The following TXNDC16 variants were observed in gnomAD, a reference collection of about 807,000 sequenced individuals.
TXNDC16 encodes thioredoxin domain containing 16.
A neutral mutation model predicts 85.6 loss-of-function variants in TXNDC16; 74 were observed. The observed-to-expected ratio is 0.86, with a 90% CI of 0.72 to 1.05. The LOEUF is 1.05. TXNDC16 is among the 50% of genes least tolerant of loss of function. TXNDC16 has a pLI of 0.00. For synonymous variants in TXNDC16, 335 were observed against 326.5 expected (o/e 1.03, Z -0.28); for missense variants, 959 against 947.0 (o/e 1.01, Z -0.17).
chr14:52,469,857 G>GA (rs2035862134), intron 16 of TXNDC16, among the ~76,000 whole-genome samples, 180 bp downstream of exon 16: 1 of 152,086 alleles, frequency 6.6e-6, no homozygotes, highest in Non-Finnish European at 1.5e-5. Context: ...AAAAAAGATG[G>GA]AAGAAATTAC....
At chr14:52,494,828 T>C (rs980760127) in intron 9 of TXNDC16, among the ~76,000 whole-genome samples, 15 of 152,236 alleles carry the variant, frequency 9.9e-5, no homozygotes, top group Non-Finnish European at 1.9e-4. Context: ...GAATTAAGCA[T>C]GTTTTCCCAG....
chr14:52,433,120 T>C (rs1326344396), intron 20 of TXNDC16, among the ~76,000 whole-genome samples: 1 of 152,112 alleles, frequency 6.6e-6, no homozygotes. Flanking sequence ...TAACATCTTT[T>C]CCACACACTT....
At chr14:52,478,234 CACAA>C (rs2036062674) in intron 14 of TXNDC16, among the ~76,000 whole-genome samples, 1 of 152,008 alleles carries the variant, frequency 6.6e-6, no homozygotes, top group African/African-American at 2.4e-5. Flanking sequence ...TCTGAAAGAG[CACAA>C]ACAGACAATC....
intron 6 of TXNDC16, among the ~76,000 whole-genome samples, chr14:52,521,492 T>C (rs2037210927): frequency 1.3e-5 from 2 of 152,298 alleles, no homozygotes; most frequent in East Asian, 1.9e-4. Flanking sequence ...TTTCTGCTCC[T>C]GTATCTAATC....
In TXNDC16 at chr14:52,506,527, CTTTT is replaced by C. The variant is rs765293725; in HGVS notation, c.756+4709_756+4712del. Among the ~76,000 whole-genome samples, 195 of 97,542 alleles carry C rather than the reference CTTTT, an allele frequency of 2.0e-3. 3 individuals carry two copies. The highest frequency in any genetic ancestry group is 7.6e-3 in the African/African-American group (173 of 22,816). The allele number at this position is 97,542 out of a possible 152,430, so 64.0% of individuals were successfully genotyped here. A position where few individuals can be genotyped will look rare whatever the true frequency, so the allele number is the denominator to read the frequency against. ...AGGCCTTTGACAAATTTCAACAACC[CTTTT>C]TTTTTTTTTTTTTTTTTTTTCTTTT... On this transcript the variant is annotated intron_variant, in intron 9 of 20. Transcript: ENST00000281741.
At chr14:52,529,668 T>C (rs2037437585) in intron 6 of TXNDC16, among the ~76,000 whole-genome samples, 1 of 107,646 alleles carries the variant, frequency 9.3e-6, no homozygotes, top group South Asian at 2.6e-4. Context: ...TAATGCCTAT[T>C]ATATATAATA....
chr14:52,502,775 G>A (rs537327728), intron 9 of TXNDC16, among the ~76,000 whole-genome samples: 59 of 152,286 alleles, frequency 3.9e-4, no homozygotes, highest in African/African-American at 1.3e-3. Context: ...GCAGGGTGAC[G>A]CATCGCATCA....
At chr14:52,500,111 GGGT>G (rs2036622244) in intron 9 of TXNDC16, among the ~76,000 whole-genome samples, 1 of 152,012 alleles carries the variant, frequency 6.6e-6, no homozygotes, top group Non-Finnish European at 1.5e-5. Flanking sequence ...TCCCACTTCT[GGGT>G]ATATTTTCAA....
At position 52,488,384 on chromosome 14, in the gene TXNDC16, C is replaced by T. The variant is rs2036318277; in HGVS notation, c.1087G>A (p.Asp363Asn). The T allele has an allele frequency of 6.2e-7, 1 of 1,613,668 alleles. No homozygotes were observed. The highest frequency in any genetic ancestry group is 1.3e-5 in the African/African-American group (1 of 75,020). The change falls in exon 12 of 21, where the codon GAC becomes AAC. Residue 363 changes from aspartate (D) to asparagine (N), a missense_variant. By Grantham distance (23) the Asp-to-Asn change is conservative. Coordinates refer to ENST00000281741, the MANE Select transcript of TXNDC16 (RefSeq NM_020784.3). ...IEEIQEDEDN[D>N]MEGPDIDVQD... ...TTACCTATATCTGGACCTTCCATGT[C>T]ATTGTCTTCATCTTCTTGTATTTCC...
chr14:52,476,640 GA>G (rs1220235963), intron 14 of TXNDC16, among the ~76,000 whole-genome samples: 2 of 151,898 alleles, frequency 1.3e-5, no homozygotes, highest in Non-Finnish European at 2.9e-5. Flanking sequence ...CAAAGACAAA[GA>G]AAAAAATAAG....
At chr14:52,448,392 T>TA (rs1232204924) in intron 18 of TXNDC16, among the ~76,000 whole-genome samples, 1 of 148,096 alleles carries the variant, frequency 6.8e-6, no homozygotes, top group African/African-American at 2.5e-5. Context: ...TTTAAAGTGC[T>TA]AAATTAAAAA....
At chr14:52,528,932 G>A (rs1204351533) in intron 6 of TXNDC16, among the ~76,000 whole-genome samples, 8 of 143,906 alleles carry the variant, frequency 5.6e-5, no homozygotes, top group African/African-American at 1.5e-4. Context: ...ATTATATATT[G>A]TCTATAATAC....
intron 14 of TXNDC16, among the ~76,000 whole-genome samples, chr14:52,478,192 A>C (rs746988157): frequency 7.0e-4 from 106 of 152,268 alleles, no homozygotes; most frequent in Non-Finnish European, 1.4e-3. Context: ...TGCTAAGAGG[A>C]AAGTTCATAG....
At chr14:52,483,544 C>T (rs917787559) in intron 12 of TXNDC16, among the ~76,000 whole-genome samples, 9 of 152,092 alleles carry the variant, frequency 5.9e-5, no homozygotes, top group African/African-American at 2.2e-4. Context: ...TGAGCACATA[C>T]AAGGCTGAGG....
chr14:52,504,630 A>C (rs978670233), intron 9 of TXNDC16, among the ~76,000 whole-genome samples: 20 of 152,258 alleles, frequency 1.3e-4, no homozygotes, highest in African/African-American at 4.6e-4. Context: ...CAAATTGTAA[A>C]GACCATCAAT....
chr14:52,466,567 T>A (rs1329382033), intron 16 of TXNDC16, among the ~76,000 whole-genome samples: 1 of 151,528 alleles, frequency 6.6e-6, no homozygotes, highest in Non-Finnish European at 1.5e-5. Flanking sequence ...CACCATATTT[T>A]AAAAAATAAA....
Position 52,431,965 on chromosome 14 carries a change from G to T in TXNDC16, c.*339C>A, listed in dbSNP as rs2034907362. 1 of 189,594 alleles carries T rather than the reference G, an allele frequency of 5.3e-6. No homozygotes were observed. The highest frequency in any genetic ancestry group is 1.1e-5 in the Non-Finnish European group (1 of 93,844). The allele number at this position is 189,594 out of a possible 1,614,324, so 11.7% of individuals were successfully genotyped here. On this transcript the variant is annotated 3_prime_UTR_variant, in exon 21 of 21. Transcript: ENST00000281741. ...ATGTGGCAAGGAACACTTGAAATAT[G>T]GCTACTCGGAAGTAAGAAATGCAGT...
At chr14:52,502,806 A>T (rs1399862969) in intron 9 of TXNDC16, among the ~76,000 whole-genome samples, 1 of 152,232 alleles carries the variant, frequency 6.6e-6, no homozygotes, top group Non-Finnish European at 1.5e-5. Context: ...GCAAGGGGTC[A>T]GGGAATTCCC....
intron 16 of TXNDC16, among the ~76,000 whole-genome samples, chr14:52,463,329 G>T (rs116047325): frequency 6.6e-6 from 1 of 152,144 alleles, no homozygotes; most frequent in African/African-American, 2.4e-5. Flanking sequence ...TGGGCCCAGC[G>T]GGTACACCAT....
Sources: allele counts gnomAD v4.1 joint callset (sites outside exome capture counted in the v4.1 genomes callset), GRCh38; gene constraint gnomAD v4.1.1; transcripts MANE v1.5; gene names NCBI Gene and HGNC (gene_info 2026-07-23, HGNC 2026-07-21).